The following DUOX2 variants were observed in gnomAD, a reference collection of about 807,000 sequenced individuals.
DUOX2 encodes the protein NADH/NADPH thyroid oxidase p138-tox.
DUOX2 carries 185 observed loss-of-function variants against 183.3 expected under a neutral mutation model. That is an observed-to-expected ratio of 1.01 (90% CI 0.90 to 1.14). DUOX2 has a LOEUF of 1.14. DUOX2 is among the 50% of genes most tolerant of loss of function. The probability of loss-of-function intolerance (pLI) is 0.00; values close to 1 mark genes in which losing one functional copy is unlikely to be tolerated. For missense variants in DUOX2, 1,999 were observed against 2,022.9 expected, an observed-to-expected ratio of 0.99 and a Z score of 0.23; for synonymous variants, 788 against 812.4, an observed-to-expected ratio of 0.97 and a Z score of 0.51.
Position 45,101,801 on chromosome 15 carries a change from C to A in DUOX2, c.2843G>T (p.Gly948Val). Residue 948 changes from glycine to valine, a missense_variant, in exon 21 of 34, where the codon GGT becomes GTT. Gly to Val is a moderately radical substitution (Grantham distance 109). This residue lies in a region of DUOX2 where 1,628 missense variants were observed against 1,608.6 expected (regional missense o/e 1.01). Transcript: ENST00000389039. ...TQLCVKGGGGGGNGIRDIFKQ... is the reference protein window; with the variant it reads ...TQLCVKGGGGVGNGIRDIFKQ... The stretch of plus-strand genomic sequence containing the variant: ...ATTCCTCACACACTCACCATTTCCA[C>A]CTCCACCTCCACCTTTGACACAGAG... 6.2e-7 allele frequency: 1 copy of A among 1,614,234 alleles called. No homozygotes were observed. The highest frequency in any genetic ancestry group is 1.7e-5 in the Admixed American group (1 of 60,028).
At position 45,097,333 on chromosome 15, in the gene DUOX2, A is replaced by G. The variant is rs200910210; in HGVS notation, c.3752T>C (p.Leu1251Pro). The G allele has an allele frequency of 7.4e-6, 12 of 1,614,266 alleles. No homozygotes were observed. In the Admixed American group the frequency reaches 1.5e-4, roughly 20 times the overall value. Residue 1251 changes from leucine (L) to proline (P), a missense_variant, in exon 29 of 34, where the codon CTG (leucine) becomes CCG (proline). Around this residue, in one of 3 missense-constraint regions of DUOX2, gnomAD observed 1,628 missense variants for 1,608.6 expected, o/e 1.01. Transcript: ENST00000389039. ...IQLPTFHIYF[L>P]VPAIIYGGDK... The stretch of plus-strand genomic sequence containing the variant: ...ACCTCCATAGATGATTGCCGGGACC[A>G]GGAAGTAGATGTGGAAAGTGGGCAG...
In DUOX2 at chr15:45,092,890, T is replaced by C. The variant is rs1015927374; in HGVS notation, c.*1260A>G. 1 of 152,186 alleles carries C rather than the reference T, an allele frequency of 6.6e-6. No homozygotes were observed. The highest frequency in any genetic ancestry group is 1.5e-5 in the Non-Finnish European group (1 of 68,038). 9.4% of individuals were successfully genotyped at this position (152,186 alleles called of 1,614,324 possible). A position where few individuals can be genotyped will look rare whatever the true frequency, so the allele number is the denominator to read the frequency against. ...TATTTAGTAGGACCAAAACTGGATTTGGTAGAAATCACATCAGTGGTTGCT... is the reference window on the plus strand; with the variant it reads ...TATTTAGTAGGACCAAAACTGGATTCGGTAGAAATCACATCAGTGGTTGCT... On this transcript the variant is annotated 3_prime_UTR_variant, in exon 34 of 34. Coordinates refer to ENST00000389039, the MANE Select transcript of DUOX2 (RefSeq NM_001363711.2).
At chr15:45,095,681 C>T in intron 30 of DUOX2, 86 bp from the exon 31 acceptor site, 3 of 1,596,946 alleles carry the variant, frequency 1.9e-6, no homozygotes, top group Non-Finnish European at 2.6e-6. Flanking sequence ...AGGGAGGATA[C>T]AGAACATCCT....
Position 45,110,660 on chromosome 15 carries a change from C to T in DUOX2, c.933G>A (p.Pro311=), listed in dbSNP as rs1382295831. 9 of 1,612,908 alleles carry T rather than the reference C, an allele frequency of 5.6e-6. No homozygotes were observed. The South Asian group carries it at 8.8e-5, about 16-fold the overall frequency. Reference sequence around the variant, plus strand: ...TCCCCGCTCCCTCACCTGTATACTCCGGGAGTGTTTTCTGCAGGAAGCTGG... The same window carrying T: ...TCCCCGCTCCCTCACCTGTATACTCTGGGAGTGTTTTCTGCAGGAAGCTGG... ...WLPSFLQKTL[P]EYTGYRPFLD... The change falls in exon 8 of 34, where the codon CCG becomes CCA. Residue 311 remains proline (P), a synonymous_variant. Transcript: ENST00000389039.
At chr15:45,109,183 T>C (rs567862150) in intron 11 of DUOX2, 32 of 625,168 alleles carry the variant, frequency 5.1e-5, no homozygotes, top group Admixed American at 1.0e-4. Flanking sequence ...AAGACTGTTC[T>C]AGTCACCAAG....
rs2141142410 is a variant in DUOX2 at position 45,098,057 on chromosome 15, A to G, written c.3517T>C (p.Ser1173Pro). 2.5e-6 allele frequency: 4 copies of G among 1,614,048 alleles called. No individual in the cohort carries two copies. In the East Asian group the frequency reaches 6.7e-5, roughly 27 times the overall value. ...CAATAGAACTTCTGGGGAAGCTTGG[A>G]CCTGGGGGGCAAAGGCACCTTGAGC... ...IFPNVFVNDG[S>P]KLPQKFYWWF... is the part of the protein sequence containing the mutation. Residue 1173 changes from serine (S) to proline (P), a missense_variant and splice_region_variant, in exon 27 of 34, where the codon TCC (serine) becomes CCC (proline). Around this residue, in one of 3 missense-constraint regions of DUOX2, gnomAD observed 1,628 missense variants for 1,608.6 expected, o/e 1.01. Transcript: ENST00000389039.
Position 45,111,183 on chromosome 15 carries a change from G to A in DUOX2, c.810C>T (p.Ala270=), listed in dbSNP as rs1387359939. 1.3e-5 allele frequency: 17 copies of A among 1,267,514 alleles called. No individual in the cohort carries two copies. In the South Asian group the frequency reaches 2.4e-4, roughly 18 times the overall value. 78.5% of individuals were successfully genotyped at this position (1,267,514 alleles called of 1,614,324 possible). Residue 270 remains alanine (A), a synonymous_variant, in exon 7 of 34, where the codon GCC becomes GCT. Transcript: ENST00000389039. ...RYHNLWAQRL[A]RQHPDWEDEE... The stretch of plus-strand genomic sequence containing the variant: ...CGTCCTCCCAGTCTGGGTGCTGGCG[G>A]GCCAGCCTCTGCGCCCACAGGTTGT...
rs902162493 is a variant in DUOX2, at chr15:45,100,807, G to C, written c.2953C>G (p.Pro985Ala). 1.9e-6 allele frequency: 3 copies of C among 1,613,908 alleles called. No homozygotes were observed. Among genetic ancestry groups the C allele is most frequent in the Non-Finnish European group, 1.7e-6 (2 of 1,179,944 alleles). The change falls in exon 23 of 34, where the codon CCA (proline) becomes GCA (alanine). Residue 985 changes from proline to alanine, a missense_variant. Coordinates refer to ENST00000389039, the MANE Select transcript of DUOX2 (RefSeq NM_001363711.2). ...GGGCCTCCCAGCTCTGGGGCTTCTG[G>C]GGCAGGGGGCCCCAGTCCCTGGGGG... is the stretch of plus-strand genomic sequence containing the variant. ...SHPQGLGPPA[P>A]EAPELGGPGL...
At position 45,105,951 on chromosome 15, in the gene DUOX2, G is replaced by C. The variant is rs1439183516; in HGVS notation, c.2149-123C>G. On this transcript the variant is annotated intron_variant, in intron 17 of 33. Coordinates refer to ENST00000389039, the MANE Select transcript of DUOX2 (RefSeq NM_001363711.2). ...CTCCTCCCCATCCATCCAGGCTGGG[G>C]CCAGGTGTGTGGACGAAGGGGGTCA... 5 of 1,443,844 alleles carry C rather than the reference G, an allele frequency of 3.5e-6. No individual in the cohort carries two copies. In the African/African-American group the frequency reaches 7.1e-5, roughly 20 times the overall value. The allele number at this position is 1,443,844 out of a possible 1,614,324, so 89.4% of individuals were successfully genotyped here. A position where few individuals can be genotyped will look rare whatever the true frequency, so the allele number is the denominator to read the frequency against.
intron 10 of DUOX2, 111 bp from the exon 11 acceptor site, chr15:45,109,737 T>C (rs1894327278): frequency 1.5e-6 from 2 of 1,339,928 alleles, no homozygotes; most frequent in South Asian, 2.4e-5. Context: ...TCCCAGACTC[T>C]CTTGAACTGT....
Position 45,099,487 on chromosome 15 carries a change from AAG to A in DUOX2, c.3416-7_3416-6del. The A allele has an allele frequency of 1.2e-6, 2 of 1,613,642 alleles. No homozygotes were observed. ...CGTGGCCAGCACTGTGCAAAACTGG[AAG>A]AGACAGACCCTGTTAGAGATGCCAA... On this transcript the variant is annotated splice_region_variant and splice_polypyrimidine_tract_variant and intron_variant, in intron 25 of 33. Coordinates refer to ENST00000389039, the MANE Select transcript of DUOX2 (RefSeq NM_001363711.2).
chr15:45,097,407 G>C lies in DUOX2; in HGVS notation c.3694-16C>G, dbSNP rs1302784349. On this transcript the variant is annotated splice_polypyrimidine_tract_variant and intron_variant, in intron 28 of 33. Coordinates refer to ENST00000389039, the MANE Select transcript of DUOX2 (RefSeq NM_001363711.2). ...GGATGATGAGCTGGAGACACGGCCA[G>C]TTAGTACAACTCAGGCCCAGCCAGG... is the stretch of plus-strand genomic sequence containing the variant. 1 of 1,614,228 alleles carries C rather than the reference G, an allele frequency of 6.2e-7. No individual in the cohort carries two copies. Among genetic ancestry groups the C allele is most frequent in the Admixed American group, 1.7e-5 (1 of 60,032 alleles).
intron 18 of DUOX2, among the ~76,000 whole-genome samples, 193 bp from the exon 19 acceptor site, chr15:45,104,558 C>T (rs1349960205): frequency 1.3e-5 from 2 of 152,238 alleles, no homozygotes; most frequent in African/African-American, 2.4e-5. Flanking sequence ...CTCTAGCAGC[C>T]TGCCCATTTC....
chr15:45,108,367 G>A lies in DUOX2; in HGVS notation c.1399-145C>T, dbSNP rs1894285934. ...CCTCTTCTTAGGCAAGCCCCCTCAG[G>A]CAGGACAAGTCTGGTGGAAGGATCA... On this transcript the variant is annotated intron_variant, in intron 12 of 33. Coordinates refer to ENST00000389039, the MANE Select transcript of DUOX2 (RefSeq NM_001363711.2). 3.1e-6 allele frequency: 3 copies of A among 959,350 alleles called. No individual in the cohort carries two copies. In the South Asian group the frequency reaches 4.6e-5, roughly 15 times the overall value. 59.4% of individuals were successfully genotyped at this position (959,350 alleles called of 1,614,324 possible).
chr15:45,113,246 C>A, intron 2 of DUOX2, 96 bp downstream of exon 2: 1 of 1,480,620 alleles, frequency 6.8e-7, no homozygotes. Flanking sequence ...GCGAAATGAC[C>A]TTCCAGTCTC....
At chr15:45,110,319 C>T in intron 9 of DUOX2, 109 bp downstream of exon 9, 1 of 1,136,704 alleles carries the variant, frequency 8.8e-7, no homozygotes, top group Non-Finnish European at 1.2e-6. Flanking sequence ...ATTTTTGCTT[C>T]CCCTTCTCTA....
Position 45,094,052 on chromosome 15 carries a change from A to G in DUOX2, c.*98T>C. 1 of 1,557,868 alleles carries G rather than the reference A, an allele frequency of 6.4e-7. No individual in the cohort carries two copies. Among genetic ancestry groups the G allele is most frequent in the Non-Finnish European group, 8.8e-7 (1 of 1,130,576 alleles). On this transcript the variant is annotated 3_prime_UTR_variant, in exon 34 of 34. Coordinates refer to ENST00000389039, the MANE Select transcript of DUOX2 (RefSeq NM_001363711.2). ...TCTGCAGCCCTCCAGCTGAGGCCTA[A>G]GGTGGATTCTGATGGAGAGATTGCC...
Position 45,100,744 on chromosome 15 carries a change from G to A in DUOX2, c.3005+11C>T, listed in dbSNP as rs556129968. The A allele has an allele frequency of 1.9e-6, 3 of 1,613,346 alleles. No homozygotes were observed. The highest frequency in any genetic ancestry group is 2.2e-5 in the South Asian group (2 of 91,046). On this transcript the variant is annotated intron_variant, in intron 23 of 33. Transcript: ENST00000389039. Reference sequence around the variant, plus strand: ...TGTCTCTTTGGGCCCAGGGATTTGGGAGACACTCACTTTTTGCCAAACCTC... The same window carrying A: ...TGTCTCTTTGGGCCCAGGGATTTGGAAGACACTCACTTTTTGCCAAACCTC...
rs764690257 is a variant in DUOX2, at chr15:45,113,425, C to A, written c.-14G>T. On this transcript the variant is annotated splice_region_variant and 5_prime_UTR_variant, in exon 2 of 34. Transcript: ENST00000389039. ...TGCACGGAGCATGCCAACCCTGCAGCCTGCGGGGTGAGGGTGGGGGTGGTA... is the reference window on the plus strand; with the variant it reads ...TGCACGGAGCATGCCAACCCTGCAGACTGCGGGGTGAGGGTGGGGGTGGTA... The A allele has an allele frequency of 5.1e-6, 8 of 1,555,720 alleles. No individual in the cohort carries two copies. In the African/African-American group the frequency reaches 1.1e-4, roughly 21 times the overall value.
Sources: gnomAD v4.1 joint callset for allele counts (sites outside exome capture counted in the v4.1 genomes callset) on GRCh38, gnomAD v4.1.1 for gene constraint, gnomAD v4.1.1 regional missense constraint, MANE v1.5 for transcripts, NCBI Gene and HGNC (gene_info 2026-07-23, HGNC 2026-07-21) for gene names.